The following SHANK2 variants were observed in gnomAD, a reference collection of about 807,000 sequenced individuals.
SHANK2 encodes SH3 and multiple ankyrin repeat domains protein 2.
In SHANK2, 43 loss-of-function variants were observed where a neutral mutation model predicts 133.7. That is an observed-to-expected ratio of 0.32 (90% CI 0.25 to 0.41). The LOEUF is 0.41. Ranked by LOEUF, SHANK2 falls within the 10% of genes least tolerant of loss-of-function variation. The pLI, the probability that SHANK2 is intolerant of heterozygous loss-of-function variation, is 1.00. For synonymous variants in SHANK2, 1,017 were observed against 952.8 expected (o/e 1.07, Z -1.24); for missense variants, 1,994 against 2,235.8 (o/e 0.89, Z 2.18).
chr11:71,151,398 G>T (rs1952795067), intron 2 of SHANK2, among the ~76,000 whole-genome samples: 1 of 152,142 alleles, frequency 6.6e-6, no homozygotes, highest in South Asian at 2.1e-4. Context: ...AGGCACTCCG[G>T]CCTCACCCCT....
rs1158125402 is a variant in SHANK2 at position 70,807,445 on chromosome 11, C to T, written c.1494-274G>A. On this transcript the variant is annotated intron_variant, in intron 12 of 25. Transcript: ENST00000601538. This position sits in a 1 kb window ranked among gnomAD's most constrained non-coding sequence, Gnocchi z 4.8. Reference sequence around the variant, plus strand: ...TGCACACCTGCGTTCACAGTGGCACCGTTCACAGCAGCCCAAGGGTCCCTC... The same window carrying T: ...TGCACACCTGCGTTCACAGTGGCACTGTTCACAGCAGCCCAAGGGTCCCTC... Among the ~76,000 whole-genome samples the T allele has an allele frequency of 1.3e-5, 2 of 152,164 alleles. No homozygotes were observed. The highest frequency in any genetic ancestry group is 2.9e-5 in the Non-Finnish European group (2 of 68,016).
At chr11:70,738,151 C>G (rs1168261913) in intron 14 of SHANK2, among the ~76,000 whole-genome samples, 1 of 152,268 alleles carries the variant, frequency 6.6e-6, no homozygotes, top group East Asian at 1.9e-4. Flanking sequence ...ATGCATCGCA[C>G]AAGAGAATCA....
chr11:70,659,268 TAA>T (rs1448960282), intron 17 of SHANK2, among the ~76,000 whole-genome samples: 4 of 152,228 alleles, frequency 2.6e-5, no homozygotes, highest in African/African-American at 9.6e-5. Flanking sequence ...TCTGAATTCC[TAA>T]GTTTCCTTTT....
intron 17 of SHANK2, among the ~76,000 whole-genome samples, chr11:70,658,930 C>T (rs1350564739): frequency 2.6e-5 from 4 of 152,110 alleles, no homozygotes; most frequent in East Asian, 1.9e-4. Context: ...TGGAAGAGCG[C>T]GTGCATCCAA....
chr11:70,487,571 A>T lies in SHANK2; in HGVS notation c.2722T>A (p.Cys908Ser). The T allele has an allele frequency of 6.2e-7, 1 of 1,604,748 alleles. No individual in the cohort carries two copies. Among genetic ancestry groups the T allele is most frequent in the Non-Finnish European group, 8.5e-7 (1 of 1,175,038 alleles). The change falls in exon 25 of 26, where the codon TGC becomes AGC. Residue 908 changes from cysteine to serine, a missense_variant. Physicochemically the swap from Cys to Ser is moderately radical, Grantham distance 112. Transcript: ENST00000601538. The surrounding 1 kb of genome is among the most constrained non-coding windows in gnomAD (Gnocchi z 5.8). Reference sequence around the variant, plus strand: ...ACTCTTGGAGTTGGGGACTTGGGGCAGTTGTAAGTGGTTGGGGAAGGTGGT... The same window carrying T: ...ACTCTTGGAGTTGGGGACTTGGGGCTGTTGTAAGTGGTTGGGGAAGGTGGT... ...PPPPSPTTYNCPKSPTPRVYG... is the reference protein window; with the variant it reads ...PPPPSPTTYNSPKSPTPRVYG...
chr11:70,497,250 CG>C lies in SHANK2; in HGVS notation c.2308+3319del, dbSNP rs1460154786. ...TCCTTATCTTGGAGATCTTGTTTACCGGGATATGGAGACTTTTCAGAAAAGC... is the reference window on the plus strand; with the variant it reads ...TCCTTATCTTGGAGATCTTGTTTACCGGATATGGAGACTTTTCAGAAAAGC... On this transcript the variant is annotated intron_variant, in intron 21 of 25. Transcript: ENST00000601538. Among the ~76,000 whole-genome samples the C allele has an allele frequency of 6.6e-5, 10 of 152,286 alleles. No individual in the cohort carries two copies. The East Asian group carries it at 1.5e-3, about 24-fold the overall frequency.
At chr11:70,720,474 G>C (rs1222239980) in intron 14 of SHANK2, among the ~76,000 whole-genome samples, 3 of 152,202 alleles carry the variant, frequency 2.0e-5, no homozygotes, top group Non-Finnish European at 4.4e-5. Context: ...AGTGGGGATG[G>C]AGAAAGTGCC....
intron 15 of SHANK2, among the ~76,000 whole-genome samples, chr11:70,695,001 T>C (rs985973744): frequency 2.6e-5 from 4 of 152,184 alleles, no homozygotes; most frequent in African/African-American, 9.7e-5. Context: ...TCCCTCAGGC[T>C]AACCCTGCAC....
In SHANK2 at chr11:71,084,005, TGTCTCC is replaced by T. The variant is rs1385180531; in HGVS notation, c.912+8411_912+8416del. 4.0e-3 allele frequency among the ~76,000 whole-genome samples: 598 copies of T among 151,334 alleles called. 3 individuals carry two copies. Among genetic ancestry groups the T allele is most frequent in the African/African-American group, 0.014 (582 of 41,242 alleles). On this transcript the variant is annotated intron_variant, in intron 8 of 25. Transcript: ENST00000601538. Reference sequence around the variant, plus strand: ...GGGGGGGGGAGACAGAGTCTTGCTCTGTCTCCCAGGCTGGAGTGCAGTGGCGCAGTC... The same window carrying T: ...GGGGGGGGGAGACAGAGTCTTGCTCTCAGGCTGGAGTGCAGTGGCGCAGTC...
At chr11:70,680,504 C>T (rs1437015379) in intron 15 of SHANK2, among the ~76,000 whole-genome samples, 1 of 152,210 alleles carries the variant, frequency 6.6e-6, no homozygotes, top group Non-Finnish European at 1.5e-5. Flanking sequence ...CAGCTCCCCA[C>T]TCTCTGCCTC....
chr11:70,628,186 C>T lies in SHANK2; in HGVS notation c.2061+31642G>A, dbSNP rs189758270. Reference sequence around the variant, plus strand: ...TGTTGGCCAGGCTGGTCTCGAACTCCTGACCTCAGGTGATCCACCCGCTTC... The same window carrying T: ...TGTTGGCCAGGCTGGTCTCGAACTCTTGACCTCAGGTGATCCACCCGCTTC... On this transcript the variant is annotated intron_variant, in intron 17 of 25. Coordinates refer to ENST00000601538, the MANE Select transcript of SHANK2 (RefSeq NM_012309.5). Among the ~76,000 whole-genome samples, 436 of 152,336 alleles carry T rather than the reference C, an allele frequency of 2.9e-3. 1 individual carries two copies. Among genetic ancestry groups the T allele is most frequent in the African/African-American group, 1.0e-2 (414 of 41,574 alleles).
At chr11:70,704,102 T>C (rs551111202) in intron 14 of SHANK2, among the ~76,000 whole-genome samples, 4 of 152,352 alleles carry the variant, frequency 2.6e-5, no homozygotes, top group Admixed American at 2.6e-4. Flanking sequence ...GATACCCATG[T>C]GCAGGATGGC....
At chr11:71,070,382 T>C (rs1452213010) in intron 9 of SHANK2, among the ~76,000 whole-genome samples, 2 of 152,226 alleles carry the variant, frequency 1.3e-5, no homozygotes, top group Non-Finnish European at 1.5e-5. Flanking sequence ...CCTATGACCC[T>C]GCCCACTGGT....
intron 11 of SHANK2, among the ~76,000 whole-genome samples, chr11:70,856,400 A>G (rs192811963): frequency 6.6e-6 from 1 of 151,802 alleles, no homozygotes; most frequent in Admixed American, 6.6e-5. Context: ...ATAGATGAAT[A>G]AATGGATGAA....
intron 15 of SHANK2, among the ~76,000 whole-genome samples, chr11:70,675,143 T>C (rs570009869): frequency 6.6e-6 from 1 of 152,314 alleles, no homozygotes; most frequent in African/African-American, 2.4e-5. Flanking sequence ...GGGAGTACTT[T>C]CTGGAAAACA....
At chr11:71,171,312 A>G (rs1296328302) in intron 2 of SHANK2, among the ~76,000 whole-genome samples, 3 of 152,152 alleles carry the variant, frequency 2.0e-5, no homozygotes, top group Non-Finnish European at 4.4e-5. Context: ...GCGAGACTCA[A>G]TCCAGGTCCT....
intron 10 of SHANK2, among the ~76,000 whole-genome samples, chr11:70,912,035 T>C (rs1362864911): frequency 7.6e-6 from 1 of 132,256 alleles, no homozygotes; most frequent in African/African-American, 2.8e-5. Context: ...AGAGCTGAGA[T>C]TGGACCACTG....
intron 17 of SHANK2, among the ~76,000 whole-genome samples, chr11:70,551,709 A>G (rs905939377): frequency 6.6e-6 from 1 of 152,258 alleles, no homozygotes; most frequent in African/African-American, 2.4e-5. Flanking sequence ...TGCTCCATCA[A>G]CATGAAGCAT....
chr11:70,807,281 C>T lies in SHANK2; in HGVS notation c.1494-110G>A, dbSNP rs906476279. On this transcript the variant is annotated intron_variant, in intron 12 of 25. Coordinates refer to ENST00000601538, the MANE Select transcript of SHANK2 (RefSeq NM_012309.5). The surrounding 1 kb of genome is among the most constrained non-coding windows in gnomAD (Gnocchi z 4.8). ...CAACGCATGCTGCGCCTCGGCTGGC[C>T]GCATCAGAACTCCTGATGCCAGACA... is the stretch of plus-strand genomic sequence containing the variant. 39 of 661,604 alleles carry T rather than the reference C, an allele frequency of 5.9e-5. No homozygotes were observed. The highest frequency in any genetic ancestry group is 7.6e-5 in the Non-Finnish European group (28 of 368,638). 41.0% of individuals were successfully genotyped at this position (661,604 alleles called of 1,614,324 possible). A position where few individuals can be genotyped will look rare whatever the true frequency, so the allele number is the denominator to read the frequency against.
Sources: gnomAD v4.1 joint callset for allele counts (sites outside exome capture counted in the v4.1 genomes callset) on GRCh38, gnomAD v4.1.1 for gene constraint, Gnocchi (gnomAD v3.1) non-coding constraint, MANE v1.5 for transcripts, NCBI Gene and HGNC (gene_info 2026-07-23, HGNC 2026-07-21) for gene names.